Variants in PRPF6 observed in about 807,000 individuals in gnomAD.
PRPF6 encodes the protein pre-mRNA processing factor 6, also known as pre-mRNA-processing factor 6.
A neutral mutation model predicts 118.3 loss-of-function variants in PRPF6; 42 were observed. The observed-to-expected ratio is 0.35, with a 90% CI of 0.28 to 0.46. PRPF6 has a LOEUF of 0.46. PRPF6 is among the 20% of genes least tolerant of loss of function. PRPF6 has a pLI of 1.00. For synonymous variants in PRPF6, 481 were observed against 485.1 expected, an observed-to-expected ratio of 0.99 and a Z score of 0.11; for missense variants, 662 against 1,255.7, an observed-to-expected ratio of 0.53 and a Z score of 7.15.
chr20:64,011,459 C>T lies in PRPF6; in HGVS notation c.1480C>T (p.Leu494=), dbSNP rs770534292. 8 of 1,613,940 alleles carry T rather than the reference C, an allele frequency of 5.0e-6. No individual in the cohort carries two copies. In the Admixed American group the frequency reaches 1.2e-4, roughly 24 times the overall value. The change falls in exon 11 of 21, where the codon CTG becomes TTG. Residue 494 remains leucine, a synonymous_variant. Transcript: ENST00000266079. The surrounding 1 kb of genome is among the most constrained non-coding windows in gnomAD (Gnocchi z 6.7). ...EKIIDRAITS[L]RANGVEINRE... ...GATCATCGACCGAGCCATCACCTCG[C>T]TGCGGGCCAACGGTGTGGAGATCAA...
chr20:64,004,455 G>C (rs1321177748), intron 9 of PRPF6, among the ~76,000 whole-genome samples: 1 of 152,210 alleles, frequency 6.6e-6, no homozygotes, highest in African/African-American at 2.4e-5. Context: ...TGCTTGAAGG[G>C]TCTGGTTTTT....
At chr20:64,022,940 C>T in intron 13 of PRPF6, 62 bp downstream of exon 13, 1 of 1,611,732 alleles carries the variant, frequency 6.2e-7, no homozygotes, top group African/African-American at 1.3e-5. Context: ...ATTTGTGTAG[C>T]CCTGAATTTA....
At chr20:64,003,467 G>T (rs181416805) in intron 9 of PRPF6, among the ~76,000 whole-genome samples, 1 of 152,230 alleles carries the variant, frequency 6.6e-6, no homozygotes, top group African/African-American at 2.4e-5. Context: ...TTAGAAGACA[G>T]GTGAAGGCTG....
At chr20:63,984,152 A>T (rs921879752) in intron 2 of PRPF6, among the ~76,000 whole-genome samples, 1 of 152,156 alleles carries the variant, frequency 6.6e-6, no homozygotes, top group Non-Finnish European at 1.5e-5. Context: ...CAGGTGCGGT[A>T]GCTCACACCT....
chr20:63,987,169 CAAA>C (rs61702884), intron 3 of PRPF6, among the ~76,000 whole-genome samples: 1 of 52,448 alleles, frequency 1.9e-5, no homozygotes, highest in Non-Finnish European at 3.3e-5. Flanking sequence ...GACCCTGTCT[CAAA>C]AAAAAAAAAA....
chr20:63,984,504 T>A (rs2059085101), intron 2 of PRPF6, among the ~76,000 whole-genome samples: 1 of 152,184 alleles, frequency 6.6e-6, no homozygotes, highest in Non-Finnish European at 1.5e-5. Context: ...AAAAAGTTTC[T>A]GCATGTCTTT....
intron 10 of PRPF6, among the ~76,000 whole-genome samples, chr20:64,010,807 C>T (rs2059213328): frequency 6.6e-6 from 1 of 152,136 alleles, no homozygotes; most frequent in Non-Finnish European, 1.5e-5. Context: ...CTTTAATTAT[C>T]CTAAGGGGTA....
At chr20:63,997,577 C>T (rs1246836839) in intron 6 of PRPF6, among the ~76,000 whole-genome samples, 1 of 151,878 alleles carries the variant, frequency 6.6e-6, no homozygotes, top group East Asian at 1.9e-4. Context: ...CTGCCTCAGC[C>T]TCCCGAGTAG....
chr20:63,994,873 T>C, intron 4 of PRPF6, 43 bp from the exon 5 acceptor site: 1 of 1,613,654 alleles, frequency 6.2e-7, no homozygotes, highest in South Asian at 1.1e-5. Context: ...GCACATGAAA[T>C]TCTGTCAGAG....
At position 64,019,092 on chromosome 20, in the gene PRPF6, G is replaced by GTTT. The variant is rs766307130; in HGVS notation, c.1647+2265_1647+2267dup. ...GCAGCGGTAATAGTTTTTGTTGTTGGTTTTTTTTTTTTTTTTTTTTGGGAC... is the reference window on the plus strand; with the variant it reads ...GCAGCGGTAATAGTTTTTGTTGTTGGTTTTTTTTTTTTTTTTTTTTTTTGGGAC... On this transcript the variant is annotated intron_variant, in intron 12 of 20. Transcript: ENST00000266079. 1.9e-3 allele frequency among the ~76,000 whole-genome samples: 226 copies of GTTT among 119,062 alleles called. 2 individuals are homozygous for GTTT. Among genetic ancestry groups the GTTT allele is most frequent in the African/African-American group, 6.9e-3 (207 of 30,208 alleles). 78.1% of individuals were successfully genotyped at this position (119,062 alleles called of 152,430 possible). A position where few individuals can be genotyped will look rare whatever the true frequency, so the allele number is the denominator to read the frequency against.
chr20:63,995,739 C>G (rs576967995), intron 6 of PRPF6, among the ~76,000 whole-genome samples: 1 of 151,952 alleles, frequency 6.6e-6, no homozygotes, highest in South Asian at 2.1e-4. Context: ...TCACTGCAAC[C>G]TCCACCTCCT....
At chr20:64,016,640 C>T (rs919956126) in intron 11 of PRPF6, 83 bp from the exon 12 acceptor site, 133 of 1,559,574 alleles carry the variant, frequency 8.5e-5, no homozygotes, top group South Asian at 7.7e-4. Flanking sequence ...CAGTTTTAAC[C>T]GTTCAGGAAC....
chr20:64,008,752 G>A (rs1192672121), intron 9 of PRPF6, among the ~76,000 whole-genome samples: 3 of 152,166 alleles, frequency 2.0e-5, no homozygotes, highest in Non-Finnish European at 2.9e-5. Context: ...TTCAACTTTC[G>A]GGATGATGCG....
Position 63,995,030 on chromosome 20 carries a change from A to C in PRPF6, c.553A>C (p.Ser185Arg), listed in dbSNP as rs773246926. 2 of 1,614,234 alleles carry C rather than the reference A, an allele frequency of 1.2e-6. No homozygotes were observed. Among genetic ancestry groups the C allele is most frequent in the Admixed American group, 1.7e-5 (1 of 60,024 alleles). The change falls in exon 5 of 21, where the codon AGT becomes CGT. Residue 185 changes from serine (S) to arginine (R), a missense_variant. This residue lies in a region of PRPF6 where 97 missense variants were observed against 122.6 expected (regional missense o/e 0.79). Coordinates refer to ENST00000266079, the MANE Select transcript of PRPF6 (RefSeq NM_012469.4). Reference protein sequence around the residue: ...RYEKLTPVPDSFFAKHLQTGE... With the variant: ...RYEKLTPVPDRFFAKHLQTGE... ...TGAGAAGCTGACCCCTGTTCCTGAC[A>C]GTTTCTTTGCCAAACATTTACAGAC... is the stretch of plus-strand genomic sequence containing the variant.
At chr20:64,010,758 C>T (rs1392817560) in intron 10 of PRPF6, among the ~76,000 whole-genome samples, 1 of 152,196 alleles carries the variant, frequency 6.6e-6, no homozygotes, top group Non-Finnish European at 1.5e-5. Context: ...GCATTCTGTG[C>T]AGTGATTTTT....
chr20:64,024,630 C>G lies in PRPF6; in HGVS notation c.1845C>G (p.Ala615=), dbSNP rs1297224381. The G allele has an allele frequency of 6.2e-7, 1 of 1,613,838 alleles. No individual in the cohort carries two copies. The highest frequency in any genetic ancestry group is 8.5e-7 in the Non-Finnish European group (1 of 1,180,030). ...CAGAGGTGCTGTGGCTCATGGGCGC[C>G]AAGTCCAAGTGGCTGGCAGGGGATG... ...PKAEVLWLMG[A]KSKWLAGDVP... The change falls in exon 14 of 21, where the codon GCC becomes GCG. Residue 615 remains alanine, a synonymous_variant. Transcript: ENST00000266079.
intron 9 of PRPF6, among the ~76,000 whole-genome samples, chr20:64,007,745 G>T (rs1221638674): frequency 6.6e-6 from 1 of 152,044 alleles, no homozygotes. Context: ...GGGATTATAG[G>T]TGTGAACCAC....
At chr20:64,019,624 A>G (rs1208809447) in intron 12 of PRPF6, among the ~76,000 whole-genome samples, 1 of 152,138 alleles carries the variant, frequency 6.6e-6, no homozygotes, top group Non-Finnish European at 1.5e-5. Context: ...GGAGAATCTG[A>G]AATGCTTTGT....
At chr20:64,005,730 C>T (rs550054978) in intron 9 of PRPF6, among the ~76,000 whole-genome samples, 14 of 152,180 alleles carry the variant, frequency 9.2e-5, no homozygotes, top group African/African-American at 3.4e-4. Flanking sequence ...TACATACTAC[C>T]ATGCCTAAAT....
Sources: gnomAD v4.1 joint callset for allele counts (sites outside exome capture counted in the v4.1 genomes callset) on GRCh38, gnomAD v4.1.1 for gene constraint, gnomAD v4.1.1 regional missense constraint, Gnocchi (gnomAD v3.1) non-coding constraint, MANE v1.5 for transcripts, NCBI Gene and HGNC (gene_info 2026-07-23, HGNC 2026-07-21) for gene names.